The following CWF19L2 variants were observed in gnomAD, a reference collection of about 807,000 sequenced individuals.
The protein encoded by CWF19L2 is CWF19 like cell cycle control factor 2, also known as CWF19-like protein 2.
In CWF19L2, 98 loss-of-function variants were observed where a neutral mutation model predicts 111.7. The ratio of observed to expected loss-of-function variants is 0.88; its 90% CI spans 0.75 to 1.04. CWF19L2 has a LOEUF of 1.04. Ranked by LOEUF, CWF19L2 falls within the 50% of genes least tolerant of loss-of-function variation. The probability of loss-of-function intolerance (pLI) is 0.00; values close to 1 mark genes in which losing one functional copy is unlikely to be tolerated. For missense variants in CWF19L2, 1,101 were observed against 1,051.4 expected, an observed-to-expected ratio of 1.05 and a Z score of -0.65; for synonymous variants, 351 against 342.9, an observed-to-expected ratio of 1.02 and a Z score of -0.26.
rs1335439649 is a variant in CWF19L2, at chr11:107,327,039, C to T, written c.2556G>A (p.Gly852=). The T allele has an allele frequency of 1.2e-6, 2 of 1,601,094 alleles. No individual in the cohort carries two copies. The highest frequency in any genetic ancestry group is 1.7e-6 in the Non-Finnish European group (2 of 1,175,640). ...AAAGTCTTGGTTCTATATCCAGCAT[C>T]CCACCTATGATTTCCTTTTAAAGAA... is the stretch of plus-strand genomic sequence containing the variant. ...PHYFGKEIIG[G]MLDIEPRLWR... Residue 852 remains glycine, a synonymous_variant, in exon 18 of 18, where the codon GGG becomes GGA. Coordinates refer to ENST00000282251, the MANE Select transcript of CWF19L2 (RefSeq NM_152434.3).
intron 14 of CWF19L2, among the ~76,000 whole-genome samples, chr11:107,342,073 C>G (rs1860013057): frequency 6.6e-6 from 1 of 151,734 alleles, no homozygotes; most frequent in Non-Finnish European, 1.5e-5. Flanking sequence ...CTGCTCTTAT[C>G]TTTATTATTT....
intron 12 of CWF19L2, among the ~76,000 whole-genome samples, chr11:107,388,318 C>T (rs1860800159): frequency 2.0e-5 from 3 of 152,216 alleles, no homozygotes; most frequent in Admixed American, 6.5e-5. Context: ...TCTGTATCCC[C>T]CAACTAAAAT....
At chr11:107,453,387 T>C (rs79595278) in intron 3 of CWF19L2, among the ~76,000 whole-genome samples, 8,090 of 152,032 alleles carry the variant, frequency 0.053, 243 homozygotes, top group East Asian at 0.11. Flanking sequence ...GGCTGCACAA[T>C]GTGCAGCTCC....
At chr11:107,331,878 G>T (rs11212166) in intron 16 of CWF19L2, among the ~76,000 whole-genome samples, 4 of 152,036 alleles carry the variant, frequency 2.6e-5, no homozygotes, top group African/African-American at 9.7e-5. Context: ...CTTGCTAGAA[G>T]AGTTGTTAGC....
Position 107,417,707 on chromosome 11 carries a change from G to A in CWF19L2, c.1527+487C>T, listed in dbSNP as rs561992048. 2.2e-3 allele frequency among the ~76,000 whole-genome samples: 335 copies of A among 151,742 alleles called. 1 individual carries two copies. The highest frequency in any genetic ancestry group is 3.4e-3 in the Non-Finnish European group (229 of 67,898). Reference sequence around the variant, plus strand: ...CAATTTCAGAGATCTGACAGAGAAAGTAGATCATTTATTTAGAAGTAGATA... The same window carrying A: ...CAATTTCAGAGATCTGACAGAGAAAATAGATCATTTATTTAGAAGTAGATA... On this transcript the variant is annotated intron_variant, in intron 9 of 17. Transcript: ENST00000282251.
At chr11:107,449,756 G>A (rs1253106692) in intron 3 of CWF19L2, among the ~76,000 whole-genome samples, 1 of 151,360 alleles carries the variant, frequency 6.6e-6, no homozygotes, top group Admixed American at 6.6e-5. Flanking sequence ...AAAAACACTC[G>A]ATCCAAAAGA....
rs557335420 is a variant in CWF19L2, at chr11:107,326,477, C to A, written c.*433G>T. 4.6e-5 allele frequency: 7 copies of A among 153,010 alleles called. No homozygotes were observed. Among genetic ancestry groups the A allele is most frequent in the African/African-American group, 1.4e-4 (6 of 41,540 alleles). The allele number at this position is 153,010 out of a possible 1,614,324, so 9.5% of individuals were successfully genotyped here. A position where few individuals can be genotyped will look rare whatever the true frequency, so the allele number is the denominator to read the frequency against. On this transcript the variant is annotated 3_prime_UTR_variant, in exon 18 of 18. Transcript: ENST00000282251. ...AAATTAAGAGCTTTTCTATAAAATC[C>A]TATGAAATTAAAATTAAATCGTCTT...
chr11:107,373,236 C>A (rs112373781), intron 12 of CWF19L2, among the ~76,000 whole-genome samples: 52,207 of 126,254 alleles, frequency 0.41, 16,555 homozygotes, highest in African/African-American at 0.66. Context: ...GTAAACAAAG[C>A]AGCCAGGAAG....
chr11:107,404,201 C>T (rs1380385687), intron 10 of CWF19L2: 1 of 776,734 alleles, frequency 1.3e-6, no homozygotes. Context: ...TTATGATAGA[C>T]CTTCATAAAT....
chr11:107,454,483 A>T lies in CWF19L2; in HGVS notation c.306T>A (p.Tyr102Ter), dbSNP rs2135432351. ...TATCAGATGACTCATTGTTTTTTTC[A>T]TATTTCTGTTTCTTGCTCTTTTTTT... The part of the protein sequence containing the change: ...EKKKKSKKQK[Y>*]EKNNESSDSS... Residue 102 changes from tyrosine (Y) to a stop codon, truncating the protein, a stop_gained, in exon 3 of 18, where the codon TAT becomes TAA. Transcript: ENST00000282251. LOFTEE classifies it high-confidence loss of function. 1.4e-6 allele frequency: 2 copies of T among 1,456,868 alleles called. No individual in the cohort carries two copies. Among genetic ancestry groups the T allele is most frequent in the South Asian group, 1.5e-5 (1 of 65,772 alleles). 90.2% of individuals were successfully genotyped at this position (1,456,868 alleles called of 1,614,324 possible).
intron 12 of CWF19L2, among the ~76,000 whole-genome samples, chr11:107,383,525 C>T (rs969203653): frequency 8.6e-5 from 13 of 151,932 alleles, no homozygotes; most frequent in Non-Finnish European, 1.8e-4. Flanking sequence ...TTATGTAGTA[C>T]ATATTCAAAA....
At chr11:107,357,105 C>A (rs1443367543) in intron 12 of CWF19L2, among the ~76,000 whole-genome samples, 1 of 151,860 alleles carries the variant, frequency 6.6e-6, no homozygotes, top group Non-Finnish European at 1.5e-5. Flanking sequence ...AACTAAGTAA[C>A]TTAACCAAAA....
At chr11:107,449,870 T>C (rs1861754093) in intron 3 of CWF19L2, among the ~76,000 whole-genome samples, 2 of 152,030 alleles carry the variant, frequency 1.3e-5, no homozygotes, top group Non-Finnish European at 1.5e-5. Flanking sequence ...ACATTAAACA[T>C]AAATAATCCA....
chr11:107,402,873 G>GTGTGTATGTATGTATATATATATATATA (rs1247886311), intron 10 of CWF19L2, among the ~76,000 whole-genome samples: 1 of 94,468 alleles, frequency 1.1e-5, no homozygotes, highest in East Asian at 3.0e-4. Flanking sequence ...ACTGTGGTGT[G>GTGTGTATGTATGTATATATATATATATA]TATATATATA....
At chr11:107,376,388 C>A (rs1860600146) in intron 12 of CWF19L2, among the ~76,000 whole-genome samples, 1 of 97,124 alleles carries the variant, frequency 1.0e-5, no homozygotes, top group South Asian at 3.0e-4. Context: ...AAAACGAATC[C>A]AGCAGCACAT....
chr11:107,334,872 C>A lies in CWF19L2; in HGVS notation c.2439+9G>T. ...GGTAATTTCTTTTACCAGGAAAAAA[C>A]ATACTTACAGACTTTCTGATATCTT... On this transcript the variant is annotated intron_variant, in intron 16 of 17. Coordinates refer to ENST00000282251, the MANE Select transcript of CWF19L2 (RefSeq NM_152434.3). 6.5e-7 allele frequency: 1 copy of A among 1,539,472 alleles called. No homozygotes were observed. The highest frequency in any genetic ancestry group is 9.0e-7 in the Non-Finnish European group (1 of 1,114,412).
rs187446816 is a variant in CWF19L2 at position 107,402,244 on chromosome 11, A to C, written c.1618-9349T>G. Among the ~76,000 whole-genome samples, 431 of 152,338 alleles carry C rather than the reference A, an allele frequency of 2.8e-3. 3 individuals carry two copies. Among genetic ancestry groups the C allele is most frequent in the African/African-American group, 1.0e-2 (414 of 41,588 alleles). ...AAGAAAAATAGCTGGGACCTATTAA[A>C]CTAAAGAGCTTTTGCACAGCAAAAG... On this transcript the variant is annotated intron_variant, in intron 10 of 17. Transcript: ENST00000282251.
In CWF19L2 at chr11:107,361,027, G is replaced by A. The variant is rs1038761198; in HGVS notation, c.1873-7291C>T. 8.5e-5 allele frequency among the ~76,000 whole-genome samples: 13 copies of A among 152,224 alleles called. No homozygotes were observed. In the East Asian group the frequency reaches 2.3e-3, roughly 27 times the overall value. On this transcript the variant is annotated intron_variant, in intron 12 of 17. Transcript: ENST00000282251. Reference sequence around the variant, plus strand: ...GTCTTAGTAATGAATTCTTCGCCTAGATCAATGTCCAGAAGAGTTTCCCCT... The same window carrying A: ...GTCTTAGTAATGAATTCTTCGCCTAAATCAATGTCCAGAAGAGTTTCCCCT...
In CWF19L2 at chr11:107,443,055, A is replaced by G. The variant is rs1031613674; in HGVS notation, c.340-6T>C. The G allele has an allele frequency of 1.3e-6, 2 of 1,511,504 alleles. No homozygotes were observed. The highest frequency in any genetic ancestry group is 2.8e-5 in the African/African-American group (2 of 72,272). 93.6% of individuals were successfully genotyped at this position (1,511,504 alleles called of 1,614,324 possible). A position where few individuals can be genotyped will look rare whatever the true frequency, so the allele number is the denominator to read the frequency against. ...ACCCACTCATCTTCAGAGCTCTAAG[A>G]ACATTTAGCATATAAGTGAAATTGT... On this transcript the variant is annotated splice_region_variant and splice_polypyrimidine_tract_variant and intron_variant, in intron 3 of 17. Transcript: ENST00000282251.
Sources: gnomAD v4.1 joint callset for allele counts (sites outside exome capture counted in the v4.1 genomes callset) on GRCh38, gnomAD v4.1.1 for gene constraint, MANE v1.5 for transcripts, NCBI Gene and HGNC (gene_info 2026-07-23, HGNC 2026-07-21) for gene names.